Variants in PPM1L observed in about 807,000 individuals in gnomAD.
PPM1L encodes the protein protein phosphatase 1L.
Under a neutral mutation model 31.4 loss-of-function variants are expected in PPM1L, and 13 were observed. That is an observed-to-expected ratio of 0.41 (90% CI 0.27 to 0.66). PPM1L has a LOEUF of 0.66. PPM1L is among the 30% of genes least tolerant of loss of function. The probability of loss-of-function intolerance (pLI) is 0.29; values close to 1 mark genes in which losing one functional copy is unlikely to be tolerated. For missense variants in PPM1L, 326 were observed against 453.7 expected (o/e 0.72, Z 2.56); for synonymous variants, 184 against 175.4 (o/e 1.05, Z -0.39).
chr3:160,981,732 TTTTATTTATTTATTTA>T (rs571936460), intron 2 of PPM1L, among the ~76,000 whole-genome samples: 16 of 139,900 alleles, frequency 1.1e-4, no homozygotes, highest in East Asian at 6.0e-4. Context: ...TTCCTTCTCA[TTTTATTTATTTATTTA>T]TTTATTTATT....
chr3:160,774,839 G>A (rs988358352), intron 1 of PPM1L, among the ~76,000 whole-genome samples: 1 of 152,110 alleles, frequency 6.6e-6, no homozygotes, highest in African/African-American at 2.4e-5. Context: ...ACATTTTTGT[G>A]TTATTGTTTG....
At chr3:160,780,075 A>G (rs1264014950) in intron 1 of PPM1L, among the ~76,000 whole-genome samples, 2 of 151,560 alleles carry the variant, frequency 1.3e-5, no homozygotes, top group Non-Finnish European at 2.9e-5. Flanking sequence ...CCAGGCTGTG[A>G]TAACAGTGGC....
At chr3:160,992,884 G>A (rs1717181234) in intron 2 of PPM1L, among the ~76,000 whole-genome samples, 1 of 152,158 alleles carries the variant, frequency 6.6e-6, no homozygotes, top group African/African-American at 2.4e-5. Flanking sequence ...CATGCACCAT[G>A]GACCTCATGG....
chr3:160,883,757 C>T (rs1316530665), intron 1 of PPM1L, among the ~76,000 whole-genome samples: 1 of 151,710 alleles, frequency 6.6e-6, no homozygotes, highest in African/African-American at 2.4e-5. Context: ...GGGTGTAATT[C>T]CCAGCACTGC....
intron 1 of PPM1L, among the ~76,000 whole-genome samples, chr3:160,933,645 A>G (rs1448672818): frequency 1.3e-5 from 2 of 152,030 alleles, no homozygotes; most frequent in African/African-American, 2.4e-5. Context: ...TGCAGCATGC[A>G]AATAGAAAGC....
intron 2 of PPM1L, among the ~76,000 whole-genome samples, chr3:161,026,420 G>A (rs1049396284): frequency 6.6e-6 from 1 of 152,224 alleles, no homozygotes; most frequent in African/African-American, 2.4e-5. Flanking sequence ...TGACGGCCGG[G>A]CGTGGTGGCT....
chr3:160,785,674 A>G (rs1390207349), intron 1 of PPM1L, among the ~76,000 whole-genome samples: 4 of 152,136 alleles, frequency 2.6e-5, no homozygotes, highest in Non-Finnish European at 5.9e-5. Context: ...TTAAGAGATG[A>G]ACTTAGACAC....
chr3:160,835,100 C>CTTCT, intron 1 of PPM1L, among the ~76,000 whole-genome samples: 1 of 95,984 alleles, frequency 1.0e-5, no homozygotes. Context: ...TTTTTTCTTT[C>CTTCT]TTCTTTCTTC....
At chr3:161,008,796 A>G (rs1323562967) in intron 2 of PPM1L, among the ~76,000 whole-genome samples, 1 of 152,226 alleles carries the variant, frequency 6.6e-6, no homozygotes, top group Non-Finnish European at 1.5e-5. Context: ...TGCTGGAATG[A>G]TATTAGGAGC....
Position 160,894,981 on chromosome 3 carries a change from T to G in PPM1L, c.400-66755T>G, listed in dbSNP as rs559522942. Among the ~76,000 whole-genome samples the G allele has an allele frequency of 9.2e-5, 14 of 152,338 alleles. No individual in the cohort carries two copies. The South Asian group carries it at 2.9e-3, about 32-fold the overall frequency. ...TATCTTCCACCTTTTTTCCTATACC[T>G]TTTATTAAACTGTGCCTTGGAGAAG... On this transcript the variant is annotated intron_variant, in intron 1 of 3. Coordinates refer to ENST00000498165, the MANE Select transcript of PPM1L (RefSeq NM_139245.4).
rs1719821903 is a variant in PPM1L at position 161,068,821 on chromosome 3, C to T, written c.747C>T (p.Ile249=). 6.2e-7 allele frequency: 1 copy of T among 1,608,674 alleles called. No homozygotes were observed. Among genetic ancestry groups the T allele is most frequent in the African/African-American group, 1.3e-5 (1 of 74,540 alleles). The change falls in exon 4 of 4, where the codon ATC becomes ATT. Residue 249 remains isoleucine, a synonymous_variant. Coordinates refer to ENST00000498165, the MANE Select transcript of PPM1L (RefSeq NM_139245.4). The part of the protein sequence containing the change: ...RKRIKRAGGF[I]SFNGSWRVQG... ...ATCCTGTCTTTCTAGGTGGTTTCAT[C>T]AGTTTCAATGGCTCCTGGAGGGTCC... is the stretch of plus-strand genomic sequence containing the variant.
chr3:161,048,546 G>C (rs960123528), intron 2 of PPM1L, among the ~76,000 whole-genome samples: 1 of 152,092 alleles, frequency 6.6e-6, no homozygotes, highest in African/African-American at 2.4e-5. Context: ...TCTAGAACTA[G>C]AAATACCATT....
At chr3:160,840,494 G>A (rs1713839967) in intron 1 of PPM1L, among the ~76,000 whole-genome samples, 2 of 152,102 alleles carry the variant, frequency 1.3e-5, no homozygotes, top group Non-Finnish European at 1.5e-5. Flanking sequence ...AATTATGAAG[G>A]CCGAGAAGTC....
intron 1 of PPM1L, among the ~76,000 whole-genome samples, chr3:160,917,407 G>C (rs1187211107): frequency 2.0e-5 from 3 of 152,130 alleles, no homozygotes; most frequent in Non-Finnish European, 2.9e-5. Context: ...TGACTTTCCA[G>C]GACTTGCATT....
chr3:160,794,006 A>C (rs1408820506), intron 1 of PPM1L, among the ~76,000 whole-genome samples: 1 of 147,176 alleles, frequency 6.8e-6, no homozygotes, highest in African/African-American at 2.7e-5. Flanking sequence ...AATAAGACTG[A>C]AAGGGGAGGT....
chr3:161,060,795 G>C (rs1001373400), intron 2 of PPM1L, among the ~76,000 whole-genome samples: 1 of 148,790 alleles, frequency 6.7e-6, no homozygotes, highest in Middle Eastern at 3.4e-3. Context: ...AAATTTCCAA[G>C]ATCTCTTTCA....
chr3:160,945,120 T>TG (rs1559897807), intron 1 of PPM1L, among the ~76,000 whole-genome samples: 1 of 16,284 alleles, frequency 6.1e-5, no homozygotes, highest in African/African-American at 1.8e-4. Flanking sequence ...ATGTTATCTA[T>TG]CTATCTATCT....
intron 2 of PPM1L, among the ~76,000 whole-genome samples, chr3:161,003,514 T>C (rs1717582897): frequency 6.6e-6 from 1 of 151,460 alleles, no homozygotes; most frequent in African/African-American, 2.4e-5. Flanking sequence ...TTTTATTTCG[T>C]TGAGCAGTGG....
chr3:160,967,813 A>G (rs1455408975), intron 2 of PPM1L, among the ~76,000 whole-genome samples: 1 of 152,104 alleles, frequency 6.6e-6, no homozygotes, highest in African/African-American at 2.4e-5. Context: ...CCAACCATAT[A>G]CGTGACCTTG....
Sources: gnomAD v4.1 joint callset for allele counts (sites outside exome capture counted in the v4.1 genomes callset) on GRCh38, gnomAD v4.1.1 for gene constraint, MANE v1.5 for transcripts, NCBI Gene and HGNC (gene_info 2026-07-23, HGNC 2026-07-21) for gene names.